The following SRP19 variants were observed in gnomAD, a reference collection of about 807,000 sequenced individuals.
The protein encoded by SRP19 is signal recognition particle 19 kDa protein.
In SRP19, 11 loss-of-function variants were observed where a neutral mutation model predicts 22.4. The observed-to-expected ratio is 0.49, with a 90% CI of 0.31 to 0.81. The LOEUF is 0.81. SRP19 is among the 40% of genes least tolerant of loss of function. The pLI, the probability that SRP19 is intolerant of heterozygous loss-of-function variation, is 0.05. For synonymous variants in SRP19, 61 were observed against 57.6 expected, an observed-to-expected ratio of 1.06 and a Z score of -0.27; for missense variants, 168 against 175.9, an observed-to-expected ratio of 0.96 and a Z score of 0.25.
intron 1 of SRP19, 153 bp from the exon 2 acceptor site, chr5:112,862,355 T>G: frequency 1.4e-6 from 1 of 701,886 alleles, no homozygotes. Flanking sequence ...ACTTTGATTT[T>G]TCAACTGCCA....
At chr5:112,873,933 G>A (rs996808805), downstream of SRP19, among the ~76,000 whole-genome samples, 1 of 151,936 alleles carries the variant, frequency 6.6e-6, no homozygotes, top group Admixed American at 6.6e-5. Flanking sequence ...GGAGGCTGAG[G>A]CAAGAAGATC....
rs1475412063 is a variant in SRP19, at chr5:112,868,403, T to C, written c.*866T>C. 4 of 1,002,270 alleles carry C rather than the reference T, an allele frequency of 4.0e-6. No individual in the cohort carries two copies. Among genetic ancestry groups the C allele is most frequent in the Non-Finnish European group, 4.7e-6 (4 of 842,940 alleles). 62.1% of individuals were successfully genotyped at this position (1,002,270 alleles called of 1,614,324 possible). A position where few individuals can be genotyped will look rare whatever the true frequency, so the allele number is the denominator to read the frequency against. ...AAATTCCATTTTTTTTAAGTTTGTT[T>C]GTTTGTTTGTTTTTGAGATGGAGTT... On this transcript the variant is annotated 3_prime_UTR_variant, in exon 5 of 5. Coordinates refer to ENST00000505459, the MANE Select transcript of SRP19 (RefSeq NM_003135.3).
intron 2 of SRP19, 133 bp from the exon 3 acceptor site, chr5:112,864,324 C>A: frequency 1.4e-6 from 1 of 706,488 alleles, no homozygotes; most frequent in Admixed American, 2.8e-5. Context: ...ATAGAAGCAT[C>A]TGTACTTAAT....
At chr5:112,873,287 T>TTTG (rs2150029930), downstream of SRP19, among the ~76,000 whole-genome samples, 1 of 146,312 alleles carries the variant, frequency 6.8e-6, no homozygotes, top group East Asian at 2.0e-4. Flanking sequence ...TTTTTTTTTT[T>TTTG]TTTTCTTTTT....
rs768937848 is a variant in SRP19, at chr5:112,864,674, A to G, written c.243A>G (p.Arg81=). The G allele has an allele frequency of 5.0e-6, 8 of 1,614,190 alleles. No homozygotes were observed. The highest frequency in any genetic ancestry group is 1.1e-5 in the South Asian group (1 of 91,082). Residue 81 remains arginine, a synonymous_variant, in exon 4 of 5, where the codon AGA becomes AGG. Transcript: ENST00000505459. ...EWNRDVQYRG[R]VRVQLKQEDG... Reference sequence around the variant, plus strand: ...ATCGTGATGTCCAATACAGAGGCAGAGTCCGGGTCCAGCTCAAACAGGAAG... The same window carrying G: ...ATCGTGATGTCCAATACAGAGGCAGGGTCCGGGTCCAGCTCAAACAGGAAG...
rs1198000786 is a variant in SRP19, at chr5:112,861,319, C to CCCGGGTTTCTG, written c.-47_-37dup. 8.1e-6 allele frequency: 13 copies of CCCGGGTTTCTG among 1,607,234 alleles called. No individual in the cohort carries two copies. Among genetic ancestry groups the CCCGGGTTTCTG allele is most frequent in the East Asian group, 2.2e-5 (1 of 44,862 alleles). On this transcript the variant is annotated 5_prime_UTR_variant, in exon 1 of 5. Coordinates refer to ENST00000505459, the MANE Select transcript of SRP19 (RefSeq NM_003135.3). ...CTCGGAAACTCAGAGCCGGGTTCCT[C>CCCGGGTTTCTG]CCGGGTTTCTGCCGGGTTTCTCCCT...
chr5:112,885,504 G>C (rs148367025), intron 4 of SRP19: 1 of 209,394 alleles, frequency 4.8e-6, no homozygotes, highest in Non-Finnish European at 1.0e-5. Flanking sequence ...TAACTAGGCA[G>C]ATGAGGGTAG....
At chr5:112,897,526 TAATC>T (rs1768729244), downstream of SRP19, 1 of 152,178 alleles carries the variant, frequency 6.6e-6, no homozygotes, top group Non-Finnish European at 1.5e-5. Flanking sequence ...GTAAATTTCA[TAATC>T]AAGAAAAAAA....
downstream of SRP19, among the ~76,000 whole-genome samples, chr5:112,871,243 A>ATTTTTTT (rs10592964): frequency 1.3e-3 from 123 of 93,944 alleles, 3 homozygotes; most frequent in African/African-American, 4.1e-3. Flanking sequence ...CAATCAGTGA[A>ATTTTTTT]TTTTTTTTTT....
chr5:112,865,696 C>T (rs1174414107), intron 4 of SRP19, among the ~76,000 whole-genome samples: 2 of 151,730 alleles, frequency 1.3e-5, no homozygotes, highest in South Asian at 2.1e-4. Context: ...CTGGTTCAAG[C>T]GATTCTCCTG....
At chr5:112,873,282 T>TC (rs898183828), downstream of SRP19, among the ~76,000 whole-genome samples, 1 of 146,282 alleles carries the variant, frequency 6.8e-6, no homozygotes, top group Non-Finnish European at 1.5e-5. Flanking sequence ...TTTTTTTTTT[T>TC]TTTTTTTTTC....
At position 112,887,159 on chromosome 5, in the gene SRP19, C is replaced by T. The variant is rs769331029; in HGVS notation, c.302-4444C>T. On this transcript the variant is annotated intron_variant, in intron 4 of 4. Coordinates refer to the SRP19 transcript ENST00000391338. ...TCAGCCCCATTAGAAGGGCTCGGGG[C>T]CATGCACCACAACAGGAAGCCACAC... 4.4e-6 allele frequency: 7 copies of T among 1,606,182 alleles called. No individual in the cohort carries two copies. The East Asian group carries it at 1.6e-4, about 36-fold the overall frequency.
At chr5:112,879,162 G>A (rs561911530) in intron 4 of SRP19, among the ~76,000 whole-genome samples, 49 of 152,228 alleles carry the variant, frequency 3.2e-4, no homozygotes, top group African/African-American at 1.0e-3. Flanking sequence ...TAAGAGTAGT[G>A]TTCAAATTCT....
At chr5:112,887,768 T>G (rs1198891633) in intron 4 of SRP19, among the ~76,000 whole-genome samples, 1 of 152,220 alleles carries the variant, frequency 6.6e-6, no homozygotes, top group Non-Finnish European at 1.5e-5. Flanking sequence ...ACTCCTTCTT[T>G]ACAGCTCTAC....
chr5:112,878,460 C>T (rs1279880033), intron 4 of SRP19: 1 of 279,880 alleles, frequency 3.6e-6, no homozygotes, highest in African/African-American at 2.2e-5. Flanking sequence ...CAGGGAGAGC[C>T]CAGTAAAGTA....
At chr5:112,862,392 G>A in intron 1 of SRP19, 116 bp from the exon 2 acceptor site, 1 of 841,726 alleles carries the variant, frequency 1.2e-6, no homozygotes, top group Admixed American at 2.1e-5. Flanking sequence ...GTTGAAAAGG[G>A]AGTACCCATC....
chr5:112,872,988 G>A (rs898555341), downstream of SRP19, among the ~76,000 whole-genome samples: 3 of 151,948 alleles, frequency 2.0e-5, no homozygotes, highest in Non-Finnish European at 4.4e-5. Context: ...TTGGTCTTCT[G>A]ACCTCTTGTA....
chr5:112,886,327 T>C (rs952563208), intron 4 of SRP19, among the ~76,000 whole-genome samples: 4 of 152,192 alleles, frequency 2.6e-5, no homozygotes, highest in Admixed American at 6.5e-5. Context: ...GGTTTTGAGG[T>C]TGTACTTTTT....
chr5:112,882,559 A>G (rs1313616944), intron 4 of SRP19, among the ~76,000 whole-genome samples: 4 of 152,206 alleles, frequency 2.6e-5, no homozygotes, highest in African/African-American at 9.7e-5. Context: ...TGGTTTCACT[A>G]TAAATTCATG....
Sources: gnomAD v4.1 joint callset for allele counts (sites outside exome capture counted in the v4.1 genomes callset) on GRCh38, gnomAD v4.1.1 for gene constraint, MANE v1.5 for transcripts, NCBI Gene and HGNC (gene_info 2026-07-23, HGNC 2026-07-21) for gene names.